The following MSRA variants were observed in gnomAD, a reference collection of about 807,000 sequenced individuals.
The protein encoded by MSRA is mitochondrial peptide methionine sulfoxide reductase.
MSRA carries 54 observed loss-of-function variants against 31.3 expected under a neutral mutation model. The ratio of observed to expected loss-of-function variants is 1.73; its 90% CI spans 1.39 to 2.17. The LOEUF is 2.17. Ranked by LOEUF, MSRA falls within the 30% of genes most tolerant of loss-of-function variation. MSRA has a pLI of 0.00. For synonymous variants in MSRA, 169 were observed against 116.5 expected, an observed-to-expected ratio of 1.45 and a Z score of -2.90; for missense variants, 507 against 300.9, an observed-to-expected ratio of 1.69 and a Z score of -5.07.
At chr8:10,233,973 C>G (rs572193098) in intron 2 of MSRA, among the ~76,000 whole-genome samples, 1 of 152,114 alleles carries the variant, frequency 6.6e-6, no homozygotes, top group African/African-American at 2.4e-5. Flanking sequence ...ATCAGACTGA[C>G]AGCAGGCTTA....
Position 10,195,811 on chromosome 8 carries a change from C to T in MSRA, c.143-12022C>T, listed in dbSNP as rs146322622. Among the ~76,000 whole-genome samples, 322 of 152,350 alleles carry T rather than the reference C, an allele frequency of 2.1e-3. 2 individuals carry two copies. Among genetic ancestry groups the T allele is most frequent in the African/African-American group, 7.2e-3 (299 of 41,584 alleles). The stretch of plus-strand genomic sequence containing the variant: ...AGTTTATAATGACACAGTTCATGCT[C>T]CATTTTTGATGGGGAGCTTCCATCA... On this transcript the variant is annotated intron_variant, in intron 1 of 5. Coordinates refer to ENST00000317173, the MANE Select transcript of MSRA (RefSeq NM_012331.5).
At chr8:10,204,265 T>C (rs1251859005) in intron 1 of MSRA, among the ~76,000 whole-genome samples, 1 of 152,212 alleles carries the variant, frequency 6.6e-6, no homozygotes, top group Admixed American at 6.5e-5. Context: ...TAAAAAACAA[T>C]TTAGTGTAGC....
At chr8:10,080,181 T>TA (rs1480620354) in intron 1 of MSRA, among the ~76,000 whole-genome samples, 1 of 152,204 alleles carries the variant, frequency 6.6e-6, no homozygotes, top group African/African-American at 2.4e-5. Context: ...CTAATACAGT[T>TA]ACGACATTCT....
chr8:10,333,088 AT>A (rs36115278), intron 5 of MSRA, among the ~76,000 whole-genome samples: 150,103 of 152,304 alleles, frequency 0.99, 74,011 homozygotes, highest in East Asian at 1. Context: ...TCAAGGAGAC[AT>A]TTTTGATTTT....
chr8:10,099,536 C>A (rs904408136), intron 1 of MSRA, among the ~76,000 whole-genome samples: 1 of 152,218 alleles, frequency 6.6e-6, no homozygotes, highest in Non-Finnish European at 1.5e-5. Flanking sequence ...GGGACTGGTA[C>A]ACAATGGCCA....
chr8:10,376,592 C>T (rs1413512783), intron 5 of MSRA, among the ~76,000 whole-genome samples: 2 of 152,200 alleles, frequency 1.3e-5, no homozygotes, highest in African/African-American at 4.8e-5. Context: ...TCTTAGAATA[C>T]TACCTGACAC....
intron 2 of MSRA, among the ~76,000 whole-genome samples, chr8:10,208,472 C>T (rs1809202209): frequency 6.6e-6 from 1 of 152,158 alleles, no homozygotes; most frequent in Non-Finnish European, 1.5e-5. Flanking sequence ...TGAAGAGGTC[C>T]TTTTTAATCT....
chr8:10,240,738 G>A lies in MSRA; in HGVS notation c.212-4366G>A, dbSNP rs183581910. Among the ~76,000 whole-genome samples the A allele has an allele frequency of 7.8e-3, 1,193 of 152,194 alleles. 16 individuals are homozygous for A. Among genetic ancestry groups the A allele is most frequent in the African/African-American group, 0.028 (1,146 of 41,502 alleles). ...TTGGGAGGATTTTTCCCTTACCCCT[G>A]TCTTTCCTGGCCACTCTAGAGTAAG... On this transcript the variant is annotated intron_variant, in intron 2 of 5. Coordinates refer to ENST00000317173, the MANE Select transcript of MSRA (RefSeq NM_012331.5).
chr8:10,163,962 A>G (rs1422063047), intron 1 of MSRA, among the ~76,000 whole-genome samples: 7 of 152,244 alleles, frequency 4.6e-5, no homozygotes, highest in Non-Finnish European at 8.8e-5. Flanking sequence ...CTGAGTCCAC[A>G]AGGGACAGTA....
intron 1 of MSRA, chr8:10,096,221 C>G (rs1799148246): frequency 8.2e-7 from 1 of 1,223,232 alleles, no homozygotes. Flanking sequence ...CTGCTTCATG[C>G]TGTCCTAAAC....
At chr8:10,108,867 A>G (rs1800082518) in intron 1 of MSRA, among the ~76,000 whole-genome samples, 4 of 152,010 alleles carry the variant, frequency 2.6e-5, no homozygotes, top group Admixed American at 2.6e-4. Context: ...AGCAGCCCAG[A>G]GCTTCTGCCT....
chr8:10,339,391 T>A (rs907684284), intron 5 of MSRA, among the ~76,000 whole-genome samples: 5 of 152,200 alleles, frequency 3.3e-5, no homozygotes, highest in African/African-American at 1.2e-4. Flanking sequence ...CAGGTCCACA[T>A]TGGCTGCTTT....
At chr8:10,192,065 T>C (rs953256600) in intron 1 of MSRA, among the ~76,000 whole-genome samples, 1 of 152,128 alleles carries the variant, frequency 6.6e-6, no homozygotes, top group Non-Finnish European at 1.5e-5. Flanking sequence ...CACATGGGCC[T>C]CTTCATAGGG....
At position 10,273,096 on chromosome 8, in the gene MSRA, C is replaced by T. The variant is rs1001573289; in HGVS notation, c.331+27873C>T. 4.6e-5 allele frequency among the ~76,000 whole-genome samples: 7 copies of T among 152,266 alleles called. No homozygotes were observed. In the South Asian group the frequency reaches 6.2e-4, roughly 14 times the overall value. On this transcript the variant is annotated intron_variant, in intron 3 of 5. Transcript: ENST00000317173. ...TAATTCTGAAAACAAAAGCTATTCACATGCATATTTGAGACTACAGATATG... is the reference window on the plus strand; with the variant it reads ...TAATTCTGAAAACAAAAGCTATTCATATGCATATTTGAGACTACAGATATG...
chr8:10,203,267 G>A (rs1808660544), intron 1 of MSRA, among the ~76,000 whole-genome samples: 1 of 152,174 alleles, frequency 6.6e-6, no homozygotes. Context: ...ATGGGAAAGG[G>A]AAGAGGGGTT....
intron 1 of MSRA, among the ~76,000 whole-genome samples, chr8:10,203,642 A>C (rs1808694176): frequency 6.6e-6 from 1 of 152,234 alleles, no homozygotes; most frequent in African/African-American, 2.4e-5. Context: ...ATAGTACATA[A>C]TAGTTGATAA....
chr8:10,214,192 T>C (rs949568078), intron 2 of MSRA, among the ~76,000 whole-genome samples: 1 of 152,138 alleles, frequency 6.6e-6, no homozygotes, highest in Admixed American at 6.5e-5. Context: ...ACAGCTAAGG[T>C]GCCGAGTGTT....
intron 5 of MSRA, among the ~76,000 whole-genome samples, chr8:10,425,124 C>A (rs1365472273): frequency 6.6e-6 from 1 of 152,068 alleles, no homozygotes; most frequent in Non-Finnish European, 1.5e-5. Flanking sequence ...TTGTCCTTTC[C>A]CTCAGTTTTG....
chr8:10,058,709 C>G (rs190516110), intron 1 of MSRA, among the ~76,000 whole-genome samples: 1 of 152,356 alleles, frequency 6.6e-6, no homozygotes, highest in Admixed American at 6.5e-5. Context: ...GATGTTCAGA[C>G]CAAGACGAGG....
Sources: gnomAD v4.1 joint callset for allele counts (sites outside exome capture counted in the v4.1 genomes callset) on GRCh38, gnomAD v4.1.1 for gene constraint, MANE v1.5 for transcripts, NCBI Gene and HGNC (gene_info 2026-07-23, HGNC 2026-07-21) for gene names.